CDKAL1: variants seen among roughly 807,000 people sequenced by gnomAD.
CDKAL1 encodes CDKAL1 threonylcarbamoyladenosine tRNA methylthiotransferase, also known as threonylcarbamoyladenosine tRNA methylthiotransferase.
A neutral mutation model predicts 68.2 loss-of-function variants in CDKAL1; 32 were observed. The ratio of observed to expected loss-of-function variants is 0.47; its 90% CI spans 0.35 to 0.63. CDKAL1 has a LOEUF of 0.63. CDKAL1 is among the 30% of genes least tolerant of loss of function. The pLI, the probability that CDKAL1 is intolerant of heterozygous loss-of-function variation, is 0.00. For missense variants in CDKAL1, 606 were observed against 696.7 expected, an observed-to-expected ratio of 0.87 and a Z score of 1.47; for synonymous variants, 234 against 244.3, an observed-to-expected ratio of 0.96 and a Z score of 0.39.
intron 11 of CDKAL1, among the ~76,000 whole-genome samples, chr6:21,026,414 T>C (rs888740956): frequency 3.9e-5 from 6 of 152,188 alleles, no homozygotes; most frequent in Admixed American, 1.3e-4. Flanking sequence ...AAACGGATTT[T>C]ATCTCTTTAG....
intron 13 of CDKAL1, among the ~76,000 whole-genome samples, chr6:21,190,205 C>G (rs1345918615): frequency 1.3e-5 from 2 of 151,908 alleles, no homozygotes; most frequent in South Asian, 2.1e-4. Context: ...ATTCAGAAAC[C>G]AGTCAGGTCG....
At chr6:21,180,203 T>G (rs1777736035) in intron 13 of CDKAL1, among the ~76,000 whole-genome samples, 1 of 152,174 alleles carries the variant, frequency 6.6e-6, no homozygotes, top group Non-Finnish European at 1.5e-5. Context: ...AGTAGTGGTA[T>G]GGTAATGCTT....
At chr6:20,612,558 A>T (rs1188819878) in intron 4 of CDKAL1, among the ~76,000 whole-genome samples, 1 of 152,078 alleles carries the variant, frequency 6.6e-6, no homozygotes, top group Non-Finnish European at 1.5e-5. Context: ...TTTCGTTTTG[A>T]GAAATGTCTA....
chr6:20,863,689 T>C (rs1759762763), intron 9 of CDKAL1, among the ~76,000 whole-genome samples: 1 of 152,178 alleles, frequency 6.6e-6, no homozygotes, highest in Non-Finnish European at 1.5e-5. Context: ...GAGGATAATA[T>C]GGATTGGGCA....
At chr6:20,984,468 T>C (rs1419783390) in intron 10 of CDKAL1, among the ~76,000 whole-genome samples, 1 of 152,152 alleles carries the variant, frequency 6.6e-6, no homozygotes, top group Non-Finnish European at 1.5e-5. Context: ...CCATTTTAGC[T>C]TTGCCATTCG....
At chr6:21,115,130 C>G (rs906541057) in intron 13 of CDKAL1, among the ~76,000 whole-genome samples, 1 of 152,188 alleles carries the variant, frequency 6.6e-6, no homozygotes, top group African/African-American at 2.4e-5. Context: ...GGGACAGTTT[C>G]ATTTCAGATG....
intron 5 of CDKAL1, among the ~76,000 whole-genome samples, chr6:20,710,068 T>C (rs777815402): frequency 3.9e-5 from 6 of 152,198 alleles, no homozygotes; most frequent in Non-Finnish European, 5.9e-5. Context: ...TAAAGACTGT[T>C]GATTTCCTGA....
intron 8 of CDKAL1, among the ~76,000 whole-genome samples, chr6:20,839,973 A>G (rs1263762233): frequency 2.0e-5 from 3 of 152,230 alleles, no homozygotes; most frequent in African/African-American, 7.2e-5. Flanking sequence ...TTCCTTAAGA[A>G]TATTGAGATA....
intron 12 of CDKAL1, among the ~76,000 whole-genome samples, chr6:21,076,308 C>CTGT (rs1218213029): frequency 6.6e-6 from 1 of 152,166 alleles, no homozygotes; most frequent in Non-Finnish European, 1.5e-5. Flanking sequence ...TGCTCAATGA[C>CTGT]ATACAGTGAC....
chr6:20,878,308 C>T lies in CDKAL1; in HGVS notation c.742+32130C>T, dbSNP rs888310752. Among the ~76,000 whole-genome samples the T allele has an allele frequency of 2.6e-5, 4 of 152,142 alleles. No individual in the cohort carries two copies. In the East Asian group the frequency reaches 5.8e-4, roughly 22 times the overall value. On this transcript the variant is annotated intron_variant, in intron 9 of 15. Transcript: ENST00000274695. ...AACAAGATCGAATTTCTTATCTGTT[C>T]GTACCTAATAAGCTCCTCTCTCCCC...
chr6:20,732,441 A>ATTT (rs35633408), intron 5 of CDKAL1, among the ~76,000 whole-genome samples: 2,061 of 118,992 alleles, frequency 0.017, 21 homozygotes, highest in African/African-American at 0.02. Context: ...ACACCTGGCT[A>ATTT]TTTTTTTTTT....
intron 9 of CDKAL1, among the ~76,000 whole-genome samples, chr6:20,858,668 T>C (rs563256224): frequency 1.3e-5 from 2 of 152,302 alleles, no homozygotes; most frequent in South Asian, 4.1e-4. Context: ...TCTGCAGTTC[T>C]TCCAGTATGG....
intron 9 of CDKAL1, among the ~76,000 whole-genome samples, chr6:20,852,581 G>T (rs530154279): frequency 2.6e-5 from 4 of 152,298 alleles, no homozygotes; most frequent in African/African-American, 9.6e-5. Context: ...TGAACACAGT[G>T]CCTAAATAGC....
chr6:21,211,343 G>C (rs111778384), intron 15 of CDKAL1, among the ~76,000 whole-genome samples: 5 of 152,320 alleles, frequency 3.3e-5, no homozygotes, highest in African/African-American at 1.2e-4. Context: ...TAAGACATTA[G>C]ACAAGCACAT....
intron 5 of CDKAL1, among the ~76,000 whole-genome samples, chr6:20,659,685 C>T (rs1769196557): frequency 6.6e-6 from 1 of 152,174 alleles, no homozygotes; most frequent in Non-Finnish European, 1.5e-5. Context: ...GTATATCCCA[C>T]TGCTTCCTTG....
chr6:20,685,048 T>G (rs1314529307), intron 5 of CDKAL1, among the ~76,000 whole-genome samples: 1 of 152,192 alleles, frequency 6.6e-6, no homozygotes, highest in African/African-American at 2.4e-5. Flanking sequence ...GGAGTGTGCC[T>G]TTTGTGTAAT....
chr6:20,619,935 G>C (rs749500300), intron 4 of CDKAL1, among the ~76,000 whole-genome samples: 2 of 152,284 alleles, frequency 1.3e-5, no homozygotes, highest in East Asian at 1.9e-4. Flanking sequence ...CTTAATGAAG[G>C]ATTTTTGTGG....
chr6:21,225,432 C>A (rs1342674105), intron 15 of CDKAL1, among the ~76,000 whole-genome samples: 1 of 152,160 alleles, frequency 6.6e-6, no homozygotes, highest in African/African-American at 2.4e-5. Context: ...GCTGTCATCT[C>A]AGTGTTGGTA....
chr6:21,173,144 A>T (rs1777455793), intron 13 of CDKAL1, among the ~76,000 whole-genome samples: 1 of 150,442 alleles, frequency 6.6e-6, no homozygotes, highest in Non-Finnish European at 1.5e-5. Flanking sequence ...TTCCTCCTGC[A>T]TCCCCCCCAC....
Sources: gnomAD v4.1 joint callset for allele counts (sites outside exome capture counted in the v4.1 genomes callset) on GRCh38, gnomAD v4.1.1 for gene constraint, MANE v1.5 for transcripts, NCBI Gene and HGNC (gene_info 2026-07-23, HGNC 2026-07-21) for gene names.